LMBR1: variants seen among roughly 807,000 people sequenced by gnomAD.
The protein encoded by LMBR1 is limb development membrane protein 1, also known as limb region 1 protein homolog.
LMBR1 carries 52 observed loss-of-function variants against 73.9 expected under a neutral mutation model. The ratio of observed to expected loss-of-function variants is 0.70; its 90% CI spans 0.56 to 0.89. LMBR1 has a LOEUF of 0.89. Ranked by LOEUF, LMBR1 falls within the 40% of genes least tolerant of loss-of-function variation. The pLI, the probability that LMBR1 is intolerant of heterozygous loss-of-function variation, is 0.00. For synonymous variants in LMBR1, 215 were observed against 209.4 expected (o/e 1.03, Z -0.23); for missense variants, 539 against 579.8 (o/e 0.93, Z 0.72).
chr7:156,704,015 A>G (rs759591776), intron 15 of LMBR1, among the ~76,000 whole-genome samples: 8 of 152,188 alleles, frequency 5.3e-5, no homozygotes, highest in Non-Finnish European at 1.2e-4. Context: ...CTAGAAGATC[A>G]TTGCACAACC....
chr7:156,843,972 G>C (rs539482281), intron 1 of LMBR1, among the ~76,000 whole-genome samples: 1 of 152,142 alleles, frequency 6.6e-6, no homozygotes, highest in East Asian at 1.9e-4. Context: ...ATACATTTAA[G>C]AGTACAAGTA....
chr7:156,675,684 C>G (rs2886381), downstream of LMBR1: 4 of 1,599,798 alleles, frequency 2.5e-6, no homozygotes, highest in Admixed American at 3.3e-5. Context: ...CCCGCCCCCG[C>G]CTCCTCCTCA....
chr7:156,686,598 C>T (rs1052754185), intron 16 of LMBR1, among the ~76,000 whole-genome samples: 1 of 152,178 alleles, frequency 6.6e-6, no homozygotes, highest in African/African-American at 2.4e-5. Context: ...ACAACTCTTG[C>T]TAATTCTACT....
chr7:156,890,186 AT>A lies in LMBR1; in HGVS notation c.66+2741del, dbSNP rs998443012. On this transcript the variant is annotated intron_variant, in intron 1 of 16. Coordinates refer to ENST00000353442, the MANE Select transcript of LMBR1 (RefSeq NM_022458.4). Reference sequence around the variant, plus strand: ...CCTACCTTGCACCAGACACAAAAAAATAAATTCGAAATAGATTGCAAATTTA... The same window carrying A: ...CCTACCTTGCACCAGACACAAAAAAAAAATTCGAAATAGATTGCAAATTTA... Among the ~76,000 whole-genome samples the A allele has an allele frequency of 2.1e-4, 32 of 152,222 alleles. 1 individual carries two copies. Among genetic ancestry groups the A allele is most frequent in the Non-Finnish European group, 1.2e-4 (8 of 68,040 alleles).
chr7:156,675,745 AAG>A (rs770391425), downstream of LMBR1: 5 of 1,613,886 alleles, frequency 3.1e-6, no homozygotes, highest in Admixed American at 8.3e-5. Flanking sequence ...ACCAACATTG[AAG>A]AGCTCTTTGC....
intron 4 of LMBR1, among the ~76,000 whole-genome samples, chr7:156,810,813 G>GT (rs1262198784): frequency 6.6e-6 from 1 of 151,168 alleles, no homozygotes; most frequent in African/African-American, 2.4e-5. Flanking sequence ...TGATTTTTTT[G>GT]TTTTTTGTTT....
intron 4 of LMBR1, among the ~76,000 whole-genome samples, chr7:156,825,213 T>A (rs544336282): frequency 1.3e-5 from 2 of 152,254 alleles, no homozygotes; most frequent in South Asian, 4.1e-4. Flanking sequence ...AAAAAAAATT[T>A]TCAAAAAACT....
intron 1 of LMBR1, among the ~76,000 whole-genome samples, chr7:156,852,762 GC>G (rs1472227492): frequency 1.3e-5 from 2 of 152,176 alleles, no homozygotes; most frequent in African/African-American, 4.8e-5. Flanking sequence ...GAACAGAGAT[GC>G]TGTTAAAATC....
intron 1 of LMBR1, among the ~76,000 whole-genome samples, chr7:156,854,501 A>G (rs1045087086): frequency 6.6e-6 from 1 of 152,238 alleles, no homozygotes; most frequent in Non-Finnish European, 1.5e-5. Flanking sequence ...AAACGTAAAC[A>G]TTCTGAAATA....
Position 156,669,662 on chromosome 7 carries a change from C to A in LMBR1, n.867-375G>T, listed in dbSNP as rs947070268. ...TGAACACTGGAAACTGCCCTCAGAG[C>A]CCCGGGGATGCGAGGTCAGCAGCTG... On this transcript the variant is annotated intron_variant and non_coding_transcript_variant, in intron 4 of 4. Transcript: ENST00000430825. The surrounding 1 kb of genome is among the most constrained non-coding windows in gnomAD (Gnocchi z 4.2). 2.0e-5 allele frequency among the ~76,000 whole-genome samples: 3 copies of A among 152,174 alleles called. No individual in the cohort carries two copies. Among genetic ancestry groups the A allele is most frequent in the African/African-American group, 7.2e-5 (3 of 41,436 alleles).
chr7:156,676,865 T>C (rs1804154163), downstream of LMBR1: 1 of 551,676 alleles, frequency 1.8e-6, no homozygotes. Context: ...ATTTCAAATT[T>C]ATGAGTTTAA....
chr7:156,891,627 A>C (rs955754901), intron 1 of LMBR1, among the ~76,000 whole-genome samples: 2 of 152,112 alleles, frequency 1.3e-5, no homozygotes, highest in Non-Finnish European at 1.5e-5. Flanking sequence ...TTATTTTTTT[A>C]TAATGGTAGA....
At chr7:156,752,359 T>C (rs910334053) in intron 9 of LMBR1, among the ~76,000 whole-genome samples, 1 of 152,190 alleles carries the variant, frequency 6.6e-6, no homozygotes, top group Non-Finnish European at 1.5e-5. Flanking sequence ...TGTCTCTTTC[T>C]GGGAAAATTA....
At chr7:156,867,587 A>G (rs1203568728) in intron 1 of LMBR1, among the ~76,000 whole-genome samples, 2 of 152,274 alleles carry the variant, frequency 1.3e-5, no homozygotes, top group Non-Finnish European at 2.9e-5. Flanking sequence ...AAAGACAATG[A>G]AGTACTGATA....
chr7:156,856,958 A>T (rs1022088647), intron 1 of LMBR1, among the ~76,000 whole-genome samples: 1 of 152,186 alleles, frequency 6.6e-6, no homozygotes, highest in African/African-American at 2.4e-5. Context: ...GTGAAGGTAG[A>T]TTACTTGCAA....
At chr7:156,808,385 T>TA (rs1433664880) in intron 4 of LMBR1, among the ~76,000 whole-genome samples, 3 of 152,174 alleles carry the variant, frequency 2.0e-5, no homozygotes, top group Non-Finnish European at 2.9e-5. Context: ...CCTTGTCTGA[T>TA]AATCATATAG....
Position 156,762,842 on chromosome 7 carries a change from T to TTTGAGA in LMBR1, c.619+265_619+266insTCTCAA, listed in dbSNP as rs772915870. 7.2e-4 allele frequency among the ~76,000 whole-genome samples: 74 copies of TTTGAGA among 102,360 alleles called. 1 individual carries two copies. Among genetic ancestry groups the TTTGAGA allele is most frequent in the Non-Finnish European group, 1.4e-3 (65 of 46,850 alleles). The allele number at this position is 102,360 out of a possible 152,430, so 67.2% of individuals were successfully genotyped here. Reference sequence around the variant, plus strand: ...ATATGAGTGTGTGAAAGTGTGTGAGTGTGAGTGTGTGTGTGTGTGTGTGTG... The same window carrying TTTGAGA: ...ATATGAGTGTGTGAAAGTGTGTGAGTTTGAGAGTGAGTGTGTGTGTGTGTGTGTGTG... On this transcript the variant is annotated intron_variant, in intron 7 of 16. Coordinates refer to ENST00000353442, the MANE Select transcript of LMBR1 (RefSeq NM_022458.4).
At chr7:156,677,380 G>C (rs1244026348), downstream of LMBR1, among the ~76,000 whole-genome samples, 1 of 152,166 alleles carries the variant, frequency 6.6e-6, no homozygotes, top group African/African-American at 2.4e-5. Context: ...GTCAGCCATG[G>C]GTGAGGCAGG....
intron 9 of LMBR1, among the ~76,000 whole-genome samples, chr7:156,752,037 TTA>T (rs1295834520): frequency 4.6e-5 from 7 of 151,946 alleles, no homozygotes; most frequent in African/African-American, 1.5e-4. Flanking sequence ...GGTGAAGAAG[TTA>T]TAGACACAGA....
Sources: gnomAD v4.1 joint callset for allele counts (sites outside exome capture counted in the v4.1 genomes callset) on GRCh38, gnomAD v4.1.1 for gene constraint, Gnocchi (gnomAD v3.1) non-coding constraint, MANE v1.5 for transcripts, NCBI Gene and HGNC (gene_info 2026-07-23, HGNC 2026-07-21) for gene names.